The following PDCL3 variants were observed in gnomAD, a reference collection of about 807,000 sequenced individuals.
The protein encoded by PDCL3 is phosducin like 3.
In PDCL3, 22 loss-of-function variants were observed where a neutral mutation model predicts 26.5. That is an observed-to-expected ratio of 0.83 (90% CI 0.59 to 1.19). The LOEUF is 1.19. PDCL3 is among the 50% of genes most tolerant of loss of function. PDCL3 has a pLI of 0.00. For missense variants in PDCL3, 246 were observed against 294.1 expected (o/e 0.84, Z 1.20); for synonymous variants, 81 against 104.9 (o/e 0.77, Z 1.39).
At chr2:100,564,631 CAGGGTT>C (rs1323073794) in intron 1 of PDCL3, among the ~76,000 whole-genome samples, 1 of 152,180 alleles carries the variant, frequency 6.6e-6, no homozygotes, top group Non-Finnish European at 1.5e-5. Context: ...AACTGTTACA[CAGGGTT>C]GGGGTTGGAG....
intron 5 of PDCL3, 28 bp downstream of exon 5, chr2:100,571,826 A>G (rs749558343): frequency 6.2e-7 from 1 of 1,607,424 alleles, no homozygotes; most frequent in Non-Finnish European, 8.5e-7. Flanking sequence ...CAGGCGGGGC[A>G]GTGAGAGATG....
Position 100,576,501 on chromosome 2 carries a change from A to G in PDCL3, c.*5A>G, listed in dbSNP as rs757383484. ...AGCGATTCCGAGGGTGACTGAGGCTACAGCTTCTATCACATGCCGAACTTT... is the reference window on the plus strand; with the variant it reads ...AGCGATTCCGAGGGTGACTGAGGCTGCAGCTTCTATCACATGCCGAACTTT... On this transcript the variant is annotated 3_prime_UTR_variant, in exon 6 of 6. Coordinates refer to ENST00000264254, the MANE Select transcript of PDCL3 (RefSeq NM_024065.5). 12 of 1,591,500 alleles carry G rather than the reference A, an allele frequency of 7.5e-6. No homozygotes were observed. The highest frequency in any genetic ancestry group is 7.7e-6 in the Non-Finnish European group (9 of 1,168,998).
intron 5 of PDCL3, chr2:100,572,170 A>G: frequency 4.3e-6 from 1 of 232,766 alleles, no homozygotes; most frequent in South Asian, 6.5e-5. Flanking sequence ...TTCTACAGAA[A>G]CATTCTCAGT....
rs1265697956 is a variant in PDCL3 at position 100,576,648 on chromosome 2, A to G, written c.*152A>G. On this transcript the variant is annotated 3_prime_UTR_variant, in exon 6 of 6. Transcript: ENST00000264254. ...ATTTTGGAAATAATCATTGCTGGAG[A>G]TTCTGTTAAATATTTTGGAACTCTT... is the stretch of plus-strand genomic sequence containing the variant. The G allele has an allele frequency of 8.8e-6, 7 of 798,136 alleles. No homozygotes were observed. Among genetic ancestry groups the G allele is most frequent in the African/African-American group, 5.6e-5 (3 of 53,282 alleles). 49.4% of individuals were successfully genotyped at this position (798,136 alleles called of 1,614,324 possible). A position where few individuals can be genotyped will look rare whatever the true frequency, so the allele number is the denominator to read the frequency against.
chr2:100,567,850 T>G (rs1675086836), intron 2 of PDCL3, among the ~76,000 whole-genome samples: 3 of 147,878 alleles, frequency 2.0e-5, no homozygotes, highest in Admixed American at 6.8e-5. Flanking sequence ...TGAGATGGAG[T>G]CTCGCTCTCT....
At chr2:100,575,382 A>G (rs1806544) in intron 5 of PDCL3, among the ~76,000 whole-genome samples, 58,913 of 151,964 alleles carry the variant, frequency 0.39, 11,733 homozygotes, top group Admixed American at 0.49. Flanking sequence ...TGATCCGCCC[A>G]CCTTGGCCTC....
intron 4 of PDCL3, among the ~76,000 whole-genome samples, chr2:100,570,633 G>A (rs889567936): frequency 3.3e-5 from 5 of 151,654 alleles, no homozygotes; most frequent in South Asian, 2.1e-4. Context: ...GCCTGCCACC[G>A]CACTCAGCTG....
intron 4 of PDCL3, among the ~76,000 whole-genome samples, chr2:100,570,478 T>C (rs1573281342): frequency 1.3e-5 from 2 of 149,400 alleles, no homozygotes; most frequent in Non-Finnish European, 3.0e-5. Flanking sequence ...GAATTTCTTT[T>C]TTTTTTTTTT....
chr2:100,570,088 C>A (rs1253681839), intron 4 of PDCL3, among the ~76,000 whole-genome samples: 1 of 152,068 alleles, frequency 6.6e-6, no homozygotes, highest in Admixed American at 6.6e-5. Context: ...CCAGCCTGGG[C>A]GACAGAGCGA....
intron 5 of PDCL3, 95 bp downstream of exon 5, chr2:100,571,893 G>A (rs1439423438): frequency 1.9e-6 from 2 of 1,065,426 alleles, no homozygotes; most frequent in Non-Finnish European, 2.7e-6. Context: ...TTACGATGGT[G>A]GGTCAAGTTC....
intron 4 of PDCL3, 70 bp from the exon 5 acceptor site, chr2:100,571,520 G>C: frequency 7.3e-7 from 1 of 1,367,938 alleles, no homozygotes. Context: ...TAGGGTAGAA[G>C]GGTCATTGAG....
chr2:100,567,645 G>C (rs1054792896), intron 2 of PDCL3, among the ~76,000 whole-genome samples: 16 of 152,112 alleles, frequency 1.1e-4, no homozygotes, highest in Non-Finnish European at 2.9e-5. Flanking sequence ...AGGGGGTGAC[G>C]TGAGCGAGTG....
In PDCL3 at chr2:100,576,501, A is replaced by T. The variant is rs757383484; in HGVS notation, c.*5A>T. On this transcript the variant is annotated 3_prime_UTR_variant, in exon 6 of 6. Coordinates refer to ENST00000264254, the MANE Select transcript of PDCL3 (RefSeq NM_024065.5). ...AGCGATTCCGAGGGTGACTGAGGCT[A>T]CAGCTTCTATCACATGCCGAACTTT... is the stretch of plus-strand genomic sequence containing the variant. 1 of 1,591,500 alleles carries T rather than the reference A, an allele frequency of 6.3e-7. No homozygotes were observed. Among genetic ancestry groups the T allele is most frequent in the Non-Finnish European group, 8.6e-7 (1 of 1,168,998 alleles).
chr2:100,575,328 G>A (rs914682458), intron 5 of PDCL3, among the ~76,000 whole-genome samples: 2 of 152,086 alleles, frequency 1.3e-5, no homozygotes, highest in Non-Finnish European at 1.5e-5. Context: ...GTAGAGACGG[G>A]GTTTCACCGT....
intron 5 of PDCL3, among the ~76,000 whole-genome samples, chr2:100,573,894 A>G (rs1675227808): frequency 6.6e-6 from 1 of 152,186 alleles, no homozygotes; most frequent in Admixed American, 6.6e-5. Context: ...AAAGTCTTGA[A>G]GTCTAGTGAA....
intron 5 of PDCL3, among the ~76,000 whole-genome samples, chr2:100,573,957 G>A (rs1294097375): frequency 6.6e-6 from 1 of 151,986 alleles, no homozygotes; most frequent in Non-Finnish European, 1.5e-5. Context: ...AAACACTTAT[G>A]TACGTATGTG....
Position 100,576,341 on chromosome 2 carries a change from C to G in PDCL3, c.578-13C>G. The G allele has an allele frequency of 6.2e-7, 1 of 1,612,474 alleles. No individual in the cohort carries two copies. Among genetic ancestry groups the G allele is most frequent in the Non-Finnish European group, 8.5e-7 (1 of 1,179,410 alleles). ...CAGTGCCTTAGGCAATTTGCTTTTT[C>G]TTTACCATATAGAGTTGGAATGGAA... On this transcript the variant is annotated splice_polypyrimidine_tract_variant and intron_variant, in intron 5 of 5. Coordinates refer to ENST00000264254, the MANE Select transcript of PDCL3 (RefSeq NM_024065.5).
intron 5 of PDCL3, 55 bp downstream of exon 5, chr2:100,571,853 T>C: frequency 6.5e-7 from 1 of 1,545,134 alleles, no homozygotes; most frequent in South Asian, 1.1e-5. Context: ...GCATTTCTGT[T>C]GGAGAGAGTG....
Position 100,566,634 on chromosome 2 carries a change from G to A in PDCL3, c.133+5G>A, listed in dbSNP as rs1476374054. ...GCATCCTCCAGCAGTCAGTGGGTGA[G>A]TTCACTCGCTTTCCTCTGCACCTGT... On this transcript the variant is annotated splice_donor_5th_base_variant and intron_variant, in intron 2 of 5. Transcript: ENST00000264254. The A allele has an allele frequency of 3.7e-6, 6 of 1,613,502 alleles. No homozygotes were observed. Among genetic ancestry groups the A allele is most frequent in the African/African-American group, 2.7e-5 (2 of 74,932 alleles).
Sources: allele counts gnomAD v4.1 joint callset (sites outside exome capture counted in the v4.1 genomes callset), GRCh38; gene constraint gnomAD v4.1.1; transcripts MANE v1.5; gene names NCBI Gene and HGNC (gene_info 2026-07-23, HGNC 2026-07-21).